Variants in HEATR4 observed in about 807,000 individuals in gnomAD.
The protein encoded by HEATR4 is HEAT repeat containing 4, also known as HEAT repeat-containing protein 4.
HEATR4 carries 95 observed loss-of-function variants against 108.8 expected under a neutral mutation model. The ratio of observed to expected loss-of-function variants is 0.87; its 90% CI spans 0.74 to 1.04. The LOEUF (loss-of-function observed/expected upper bound fraction) is 1.04. Ranked by LOEUF, HEATR4 falls within the 50% of genes least tolerant of loss-of-function variation. HEATR4 has a pLI of 0.00. For synonymous variants in HEATR4, 443 were observed against 459.4 expected (o/e 0.96, Z 0.46); for missense variants, 1,152 against 1,253.8 (o/e 0.92, Z 1.23).
the HEATR4 span, among the ~76,000 whole-genome samples, chr14:73,615,388 T>TAAAAAAAAAAAAAAAAA: frequency 3.2e-5 from 2 of 63,298 alleles, no homozygotes; most frequent in African/African-American, 1.0e-4. Flanking sequence ...CTCTGTCTGA[T>TAAAAAAAAAAAAAAAAA]AAAAAAAAAA....
chr14:73,598,522 G>A, the HEATR4 span, among the ~76,000 whole-genome samples: 1 of 152,110 alleles, frequency 6.6e-6, no homozygotes, highest in African/African-American at 2.4e-5. Flanking sequence ...ACGCCGTGAG[G>A]ATTCTACCGT....
At chr14:73,527,822 A>G (rs1888429759) in intron 2 of HEATR4, among the ~76,000 whole-genome samples, 1 of 151,780 alleles carries the variant, frequency 6.6e-6, no homozygotes, top group South Asian at 2.1e-4. Context: ...TACTACAAAT[A>G]CAAAAAATTA....
the HEATR4 span, among the ~76,000 whole-genome samples, chr14:73,605,272 G>GC: frequency 6.6e-6 from 1 of 152,124 alleles, no homozygotes. Context: ...CTCTAGCCAT[G>GC]CAAGATTGAA....
chr14:73,569,791 A>G, the HEATR4 span: 12,596 of 1,571,772 alleles, frequency 8.0e-3, 639 homozygotes, highest in South Asian at 8.9e-3. Flanking sequence ...CTGCTGTGCC[A>G]GACGCGGCAC....
chr14:73,589,753 G>C, the HEATR4 span, among the ~76,000 whole-genome samples: 12 of 152,184 alleles, frequency 7.9e-5, no homozygotes, highest in African/African-American at 2.9e-4. Flanking sequence ...CGAAGCCACA[G>C]ACCCTCGCGG....
chr14:73,506,215 C>T (rs1445942413), intron 10 of HEATR4, among the ~76,000 whole-genome samples: 4 of 152,080 alleles, frequency 2.6e-5, no homozygotes, highest in Non-Finnish European at 5.9e-5. Context: ...AAACTCCTGT[C>T]AGTTTTTGTG....
At chr14:73,630,413 GT>G in the HEATR4 span, among the ~76,000 whole-genome samples, 1 of 152,190 alleles carries the variant, frequency 6.6e-6, no homozygotes, top group Admixed American at 6.6e-5. Flanking sequence ...TTCTCGCAAC[GT>G]ATTTTCCTAC....
At chr14:73,603,327 A>G in the HEATR4 span, among the ~76,000 whole-genome samples, 1 of 152,074 alleles carries the variant, frequency 6.6e-6, no homozygotes, top group Non-Finnish European at 1.5e-5. Flanking sequence ...AGACATTTGC[A>G]TTTTACCAAT....
At chr14:73,511,085 A>C (rs749409470) in intron 7 of HEATR4, among the ~76,000 whole-genome samples, 34 of 152,312 alleles carry the variant, frequency 2.2e-4, no homozygotes, top group Non-Finnish European at 4.3e-4. Flanking sequence ...CTGAAGTTCA[A>C]ATTCTCAAGT....
intron 1 of HEATR4, among the ~76,000 whole-genome samples, chr14:73,545,349 C>T (rs1489900208): frequency 9.4e-6 from 1 of 106,720 alleles, no homozygotes; most frequent in South Asian, 3.1e-4. Context: ...TGTGAGCCAC[C>T]GCTGCCAGCT....
Position 73,522,392 on chromosome 14 carries a change from C to T in HEATR4, c.761G>A (p.Ser254Asn), listed in dbSNP as rs1346856903. The T allele has an allele frequency of 6.2e-7, 1 of 1,614,272 alleles. No individual in the cohort carries two copies. The change falls in exon 3 of 18, where the codon AGT becomes AAT. Residue 254 changes from serine (S) to asparagine (N), a missense_variant. By Grantham distance (46) the Ser-to-Asn change is conservative. Transcript: ENST00000553558. ...SHIRDELTSA[S>N]DLELLKQLEA... ...CAGCTGTTTCAGGAGCTCCAGGTCA[C>T]TGGCAGAGGTAAGCTCATCCCGAAT... is the stretch of plus-strand genomic sequence containing the variant.
upstream of HEATR4, among the ~76,000 whole-genome samples, chr14:73,559,549 G>A (rs1889476655): frequency 6.7e-6 from 1 of 150,130 alleles, no homozygotes; most frequent in South Asian, 2.2e-4. Flanking sequence ...GACCAACATG[G>A]TGAAACCCCA....
chr14:73,518,088 A>G (rs1200991559), intron 5 of HEATR4, among the ~76,000 whole-genome samples: 1 of 151,578 alleles, frequency 6.6e-6, no homozygotes, highest in African/African-American at 2.4e-5. Flanking sequence ...TTTATCTCAA[A>G]AACAAAGCCA....
At chr14:73,569,708 G>C in the HEATR4 span, 9 of 1,609,312 alleles carry the variant, frequency 5.6e-6, no homozygotes, top group South Asian at 9.9e-5. Flanking sequence ...TGCGGCTGGT[G>C]AAGCGCGACG....
chr14:73,608,863 G>T, the HEATR4 span, among the ~76,000 whole-genome samples: 1 of 152,196 alleles, frequency 6.6e-6, no homozygotes, highest in Admixed American at 6.5e-5. Flanking sequence ...CATGGCAGAA[G>T]GGGAAGCAAA....
the HEATR4 span, among the ~76,000 whole-genome samples, chr14:73,590,013 C>T: frequency 7.2e-5 from 11 of 152,186 alleles, no homozygotes; most frequent in Non-Finnish European, 1.2e-4. Context: ...TTACAGCTCA[C>T]AACAGCAGTG....
chr14:73,500,965 T>C (rs1204892462), intron 11 of HEATR4, among the ~76,000 whole-genome samples: 1 of 152,244 alleles, frequency 6.6e-6, no homozygotes, highest in East Asian at 1.9e-4. Flanking sequence ...TTACACTGAA[T>C]GACTGAATAA....
intron 2 of HEATR4, chr14:73,528,813 G>C (rs1184874791): frequency 2.0e-5 from 3 of 152,206 alleles, no homozygotes; most frequent in Non-Finnish European, 4.4e-5. Context: ...CAAGTCTCTG[G>C]GTCCTACAGT....
At chr14:73,574,861 C>G in the HEATR4 span, 1 of 1,613,242 alleles carries the variant, frequency 6.2e-7, no homozygotes, top group Non-Finnish European at 8.5e-7. Context: ...CCATATTCCA[C>G]TGTTTGTGGA....
Sources: allele counts gnomAD v4.1 joint callset (sites outside exome capture counted in the v4.1 genomes callset), GRCh38; gene constraint gnomAD v4.1.1; transcripts MANE v1.5; gene names NCBI Gene and HGNC (gene_info 2026-07-23, HGNC 2026-07-21).